Variants in PLD5 observed in about 807,000 individuals in gnomAD.
PLD5 encodes the protein inactive phospholipase D5.
A neutral mutation model predicts 61.1 loss-of-function variants in PLD5; 36 were observed. That is an observed-to-expected ratio of 0.59 (90% CI 0.45 to 0.78). PLD5 has a LOEUF of 0.78. Among genes scored for constraint, PLD5 ranks in the 30% least tolerant of loss-of-function variants. PLD5 has a pLI of 0.00. For missense variants in PLD5, 515 were observed against 644.4 expected, an observed-to-expected ratio of 0.80 and a Z score of 2.17; for synonymous variants, 243 against 242.8, an observed-to-expected ratio of 1.00 and a Z score of -0.01.
intron 1 of PLD5, among the ~76,000 whole-genome samples, chr1:242,440,264 G>A (rs1666210430): frequency 6.6e-6 from 1 of 152,130 alleles, no homozygotes; most frequent in Non-Finnish European, 1.5e-5. Flanking sequence ...TCACCCCGGT[G>A]GAAGGGAATA....
At chr1:242,349,002 C>T (rs570723634) in intron 1 of PLD5, among the ~76,000 whole-genome samples, 6 of 152,242 alleles carry the variant, frequency 3.9e-5, no homozygotes, top group East Asian at 1.9e-4. Flanking sequence ...TGCAGTGAGC[C>T]AAGATCGCAC....
At chr1:242,132,725 T>G (rs1185655536) in intron 5 of PLD5, among the ~76,000 whole-genome samples, 1 of 152,120 alleles carries the variant, frequency 6.6e-6, no homozygotes, top group Admixed American at 6.5e-5. Context: ...CAGTGGGTGG[T>G]TTATACCACT....
chr1:242,464,432 C>A (rs371575856), intron 1 of PLD5, among the ~76,000 whole-genome samples: 5 of 152,168 alleles, frequency 3.3e-5, no homozygotes, highest in Non-Finnish European at 5.9e-5. Flanking sequence ...ACCTCAGTTA[C>A]GGCAATTCTA....
In PLD5 at chr1:242,087,344, T is replaced by C. The variant is rs201725680; in HGVS notation, c.*2510A>G. ...CAAAAGGAAATGGCAATGATGGTCATTCCGTAATGGATGACATTCTCTTCT... is the reference window on the plus strand; with the variant it reads ...CAAAAGGAAATGGCAATGATGGTCACTCCGTAATGGATGACATTCTCTTCT... On this transcript the variant is annotated 3_prime_UTR_variant, in exon 10 of 10. Transcript: ENST00000536534. The C allele has an allele frequency of 3.3e-5, 5 of 152,150 alleles. No homozygotes were observed. In the East Asian group the frequency reaches 9.6e-4, roughly 29 times the overall value. 9.4% of individuals were successfully genotyped at this position (152,150 alleles called of 1,614,324 possible). A position where few individuals can be genotyped will look rare whatever the true frequency, so the allele number is the denominator to read the frequency against.
intron 4 of PLD5, among the ~76,000 whole-genome samples, chr1:242,258,060 T>C (rs1673180963): frequency 6.6e-6 from 1 of 152,272 alleles, no homozygotes; most frequent in African/African-American, 2.4e-5. Flanking sequence ...CCCAGGAGAC[T>C]GTCTCTTCTC....
chr1:242,501,326 G>A (rs113780012), intron 1 of PLD5, among the ~76,000 whole-genome samples: 261 of 152,330 alleles, frequency 1.7e-3, no homozygotes, highest in Non-Finnish European at 2.6e-3. Flanking sequence ...AGCAGAAAGC[G>A]AAGCAGCTGG....
At chr1:242,156,796 A>C (rs766731224) in intron 5 of PLD5, among the ~76,000 whole-genome samples, 4 of 152,014 alleles carry the variant, frequency 2.6e-5, no homozygotes, top group African/African-American at 7.3e-5. Context: ...TTTTTACTTC[A>C]CTTCAACCTT....
At chr1:242,527,680 T>A (rs987312280), upstream of PLD5, among the ~76,000 whole-genome samples, 2 of 152,202 alleles carry the variant, frequency 1.3e-5, no homozygotes, top group African/African-American at 4.8e-5. Flanking sequence ...CTTGTCCAAG[T>A]TAATCGTTTA....
chr1:242,524,266 C>G lies in PLD5; in HGVS notation c.11G>C (p.Arg4Pro), dbSNP rs1669374150. 2 of 1,481,320 alleles carry G rather than the reference C, an allele frequency of 1.4e-6. No individual in the cohort carries two copies. Among genetic ancestry groups the G allele is most frequent in the Non-Finnish European group, 1.8e-6 (2 of 1,120,264 alleles). The allele number at this position is 1,481,320 out of a possible 1,614,324, so 91.8% of individuals were successfully genotyped here. The change falls in exon 1 of 10, where the codon CGG becomes CCG. Residue 4 changes from arginine (R) to proline (P), a missense_variant. By Grantham distance (103) the Arg-to-Pro change is moderately radical. Coordinates refer to ENST00000536534, the MANE Select transcript of PLD5 (RefSeq NM_001372062.1). MEI[R>P]QHEWLSASPH... ...GGAGGCCGAGAGCCACTCGTGCTGC[C>G]GGATCTCCATCCTGACATGACCGGG...
intron 1 of PLD5, among the ~76,000 whole-genome samples, chr1:242,489,445 G>C (rs1668069956): frequency 6.6e-6 from 1 of 151,828 alleles, no homozygotes; most frequent in Non-Finnish European, 1.5e-5. Flanking sequence ...AGGAGAGACA[G>C]AGGAAGGACA....
At chr1:242,239,762 A>G (rs932600493) in intron 4 of PLD5, among the ~76,000 whole-genome samples, 10 of 152,216 alleles carry the variant, frequency 6.6e-5, no homozygotes, top group Non-Finnish European at 1.0e-4. Flanking sequence ...AGCCCCACGT[A>G]AAAAAGGAAA....
At chr1:242,250,913 A>T (rs1396447621) in intron 4 of PLD5, among the ~76,000 whole-genome samples, 2 of 152,236 alleles carry the variant, frequency 1.3e-5, no homozygotes, top group African/African-American at 2.4e-5. Context: ...CAGAAATGTT[A>T]AGACTGCACA....
chr1:242,491,114 T>C (rs1461393870), intron 1 of PLD5, among the ~76,000 whole-genome samples: 1 of 152,206 alleles, frequency 6.6e-6, no homozygotes, highest in African/African-American at 2.4e-5. Context: ...TAATCTTGTA[T>C]TCTTAGAATT....
rs145387790 is a variant in PLD5, at chr1:242,217,382, G to A, written c.735+2606C>T. Among the ~76,000 whole-genome samples the A allele has an allele frequency of 2.8e-3, 423 of 152,294 alleles. 2 individuals are homozygous for A. The highest frequency in any genetic ancestry group is 9.3e-3 in the African/African-American group (386 of 41,568). ...TCACACTTGTAATCCCAGCACTTTG[G>A]GAGGCCGAAGTGGGTGAATCACCAA... On this transcript the variant is annotated intron_variant, in intron 5 of 9. Coordinates refer to ENST00000536534, the MANE Select transcript of PLD5 (RefSeq NM_001372062.1).
chr1:242,092,227 A>AGC (rs1283902929), intron 9 of PLD5, among the ~76,000 whole-genome samples: 2 of 152,100 alleles, frequency 1.3e-5, no homozygotes, highest in Non-Finnish European at 2.9e-5. Flanking sequence ...CTTGAGCTCA[A>AGC]GCGATTCTCC....
chr1:242,422,782 AAAG>A lies in PLD5; in HGVS notation c.190-74543_190-74541del, dbSNP rs1665215583. Among the ~76,000 whole-genome samples, 4 of 152,256 alleles carry A rather than the reference AAAG, an allele frequency of 2.6e-5. No individual in the cohort carries two copies. In the East Asian group the frequency reaches 5.8e-4, roughly 22 times the overall value. On this transcript the variant is annotated intron_variant, in intron 1 of 9. Coordinates refer to ENST00000536534, the MANE Select transcript of PLD5 (RefSeq NM_001372062.1). ...TTAGCATTATGAGCAAAAAGCAGCA[AAAG>A]CTGAAGTTCCTGCCCACATTGAGGT... is the stretch of plus-strand genomic sequence containing the variant.
At chr1:242,135,559 A>G (rs1156710268) in intron 5 of PLD5, among the ~76,000 whole-genome samples, 4 of 152,206 alleles carry the variant, frequency 2.6e-5, no homozygotes, top group Non-Finnish European at 5.9e-5. Flanking sequence ...TCAGCATTGG[A>G]TGCTAGGAAA....
intron 1 of PLD5, among the ~76,000 whole-genome samples, chr1:242,440,661 C>T (rs569368196): frequency 6.6e-6 from 1 of 152,348 alleles, no homozygotes; most frequent in South Asian, 2.1e-4. Context: ...TAAAAGGGAT[C>T]TGAGATACAA....
intron 2 of PLD5, among the ~76,000 whole-genome samples, chr1:242,327,684 G>A (rs186124704): frequency 6.6e-6 from 1 of 152,318 alleles, no homozygotes; most frequent in East Asian, 1.9e-4. Context: ...TGGTCTAATT[G>A]TCATCATCTG....
Sources: gnomAD v4.1 joint callset for allele counts (sites outside exome capture counted in the v4.1 genomes callset) on GRCh38, gnomAD v4.1.1 for gene constraint, MANE v1.5 for transcripts, NCBI Gene and HGNC (gene_info 2026-07-23, HGNC 2026-07-21) for gene names.